The following CORO2B variants were observed in gnomAD, a reference collection of about 807,000 sequenced individuals.
CORO2B encodes the protein coronin 2B.
In CORO2B, 26 loss-of-function variants were observed where a neutral mutation model predicts 58.8. The ratio of observed to expected loss-of-function variants is 0.44; its 90% confidence interval spans 0.32 to 0.61. CORO2B has a LOEUF of 0.61. Ranked by LOEUF, CORO2B falls within the 20% of genes least tolerant of loss-of-function variation. The pLI is 0.04. For missense variants in CORO2B, 460 were observed against 645.1 expected, an observed-to-expected ratio of 0.71 and a Z score of 3.11; for synonymous variants, 242 against 253.8, an observed-to-expected ratio of 0.95 and a Z score of 0.44.
chr15:68,529,680 G>A, the CORO2B span, among the ~76,000 whole-genome samples: 2 of 151,956 alleles, frequency 1.3e-5, no homozygotes, highest in Non-Finnish European at 2.9e-5. Context: ...GTCAGCTTTT[G>A]GTTTTGTTGA....
chr15:68,613,721 C>T (rs900059146), intron 1 of CORO2B, among the ~76,000 whole-genome samples: 2 of 152,140 alleles, frequency 1.3e-5, no homozygotes, highest in African/African-American at 2.4e-5. Context: ...TTTTTCAGGG[C>T]CTTGAAATCA....
chr15:68,709,466 T>TG (rs1892861524), intron 3 of CORO2B, among the ~76,000 whole-genome samples: 1 of 148,924 alleles, frequency 6.7e-6, no homozygotes, highest in Admixed American at 6.7e-5. Context: ...CGTGTTTTTT[T>TG]TTTTTTTTTT....
chr15:68,727,391 CAA>C lies in CORO2B; in HGVS notation c.*1419_*1420del, dbSNP rs1271057246. On this transcript the variant is annotated 3_prime_UTR_variant, in exon 12 of 12. Coordinates refer to ENST00000261861, the MANE Select transcript of CORO2B (RefSeq NM_006091.5). ...TCCTCCTTTCATTTCCCACTACGCACAAAGAGTTTATAAACACTGTTCTCAGA... is the reference window on the plus strand; with the variant it reads ...TCCTCCTTTCATTTCCCACTACGCACAGAGTTTATAAACACTGTTCTCAGA... 6.6e-6 allele frequency: 1 copy of C among 152,318 alleles called. No homozygotes were observed. Among genetic ancestry groups the C allele is most frequent in the African/African-American group, 2.4e-5 (1 of 41,426 alleles). 9.4% of individuals were successfully genotyped at this position (152,318 alleles called of 1,614,324 possible).
chr15:68,661,137 C>T (rs1902001668), intron 2 of CORO2B, among the ~76,000 whole-genome samples: 1 of 152,026 alleles, frequency 6.6e-6, no homozygotes, highest in Admixed American at 6.6e-5. Context: ...GCCACCATGC[C>T]CAGCTAATTT....
chr15:68,611,245 G>T (rs752982762), intron 1 of CORO2B, among the ~76,000 whole-genome samples: 1 of 152,192 alleles, frequency 6.6e-6, no homozygotes, highest in Non-Finnish European at 1.5e-5. Context: ...AAAAATAACA[G>T]TGTCTATTTC....
chr15:68,534,032 A>T, the CORO2B span, among the ~76,000 whole-genome samples: 151 of 152,290 alleles, frequency 9.9e-4, no homozygotes, highest in African/African-American at 3.6e-3. Flanking sequence ...AAGATAGGAC[A>T]TGTGCCTCAT....
At chr15:68,655,270 A>T (rs1339964275) in intron 2 of CORO2B, among the ~76,000 whole-genome samples, 1 of 152,202 alleles carries the variant, frequency 6.6e-6, no homozygotes, top group Non-Finnish European at 1.5e-5. Flanking sequence ...TGGAATTGAG[A>T]CGGAGGCTCC....
intron 2 of CORO2B, among the ~76,000 whole-genome samples, chr15:68,666,228 G>A (rs768389421): frequency 2.0e-5 from 3 of 152,184 alleles, no homozygotes; most frequent in Non-Finnish European, 2.9e-5. Context: ...ATTCTGGGTA[G>A]CGGACATAAA....
At chr15:68,709,462 T>G (rs1395410904) in intron 3 of CORO2B, among the ~76,000 whole-genome samples, 6 of 6,090 alleles carry the variant, frequency 9.9e-4, no homozygotes, top group Non-Finnish European at 9.1e-3. Flanking sequence ...TTTTCGTGTT[T>G]TTTTTTTTTT....
intron 3 of CORO2B, among the ~76,000 whole-genome samples, chr15:68,704,934 A>G (rs1892746238): frequency 6.6e-6 from 1 of 152,166 alleles, no homozygotes; most frequent in African/African-American, 2.4e-5. Context: ...GCAACCTCTG[A>G]GCAGATCCAC....
chr15:68,556,194 G>A, the CORO2B span, among the ~76,000 whole-genome samples: 1 of 152,204 alleles, frequency 6.6e-6, no homozygotes, highest in Non-Finnish European at 1.5e-5. Context: ...GTAATCACAG[G>A]ATGACAGGGA....
At chr15:68,591,120 A>G (rs1341618419) in intron 1 of CORO2B, among the ~76,000 whole-genome samples, 1 of 151,976 alleles carries the variant, frequency 6.6e-6, no homozygotes, top group African/African-American at 2.4e-5. Context: ...GGCTGCAGGG[A>G]TGTTGGGGAA....
intron 1 of CORO2B, among the ~76,000 whole-genome samples, chr15:68,602,505 G>A (rs1353773596): frequency 6.6e-6 from 1 of 152,068 alleles, no homozygotes; most frequent in Non-Finnish European, 1.5e-5. Context: ...GTCACTAAGA[G>A]AGAGATGAGC....
At chr15:68,662,379 T>G (rs970410885) in intron 2 of CORO2B, among the ~76,000 whole-genome samples, 31 of 152,340 alleles carry the variant, frequency 2.0e-4, no homozygotes, top group Non-Finnish European at 3.8e-4. Context: ...AAGTGCAGGG[T>G]TTTCATGCCT....
chr15:68,707,035 A>G (rs1012067086), intron 3 of CORO2B, among the ~76,000 whole-genome samples: 1 of 152,096 alleles, frequency 6.6e-6, no homozygotes, highest in African/African-American at 2.4e-5. Context: ...ATCTCGGCTC[A>G]CTGCAAGCTC....
At chr15:68,554,914 G>A in the CORO2B span, among the ~76,000 whole-genome samples, 2 of 152,132 alleles carry the variant, frequency 1.3e-5, no homozygotes, top group Admixed American at 1.3e-4. Context: ...TTTGAAGTCA[G>A]GCCTGTCTGA....
chr15:68,718,199 G>T (rs181346220), intron 8 of CORO2B, among the ~76,000 whole-genome samples: 3 of 152,246 alleles, frequency 2.0e-5, no homozygotes, highest in African/African-American at 7.2e-5. Context: ...ACATAGAACA[G>T]AACAGCAATC....
the CORO2B span, among the ~76,000 whole-genome samples, chr15:68,525,548 A>G: frequency 4.6e-5 from 7 of 152,316 alleles, no homozygotes; most frequent in Admixed American, 1.3e-4. Context: ...CATTTGTTAA[A>G]AAGTAGAAAT....
intron 2 of CORO2B, among the ~76,000 whole-genome samples, chr15:68,647,857 T>TA (rs35636803): frequency 0.97 from 133,134 of 136,550 alleles, 64,952 homozygotes; most frequent in East Asian, 1. Context: ...TTCTACAAAT[T>TA]AAAAAAAAAA....
Sources: allele counts gnomAD v4.1 joint callset (sites outside exome capture counted in the v4.1 genomes callset), GRCh38; gene constraint gnomAD v4.1.1; transcripts MANE v1.5; gene names NCBI Gene and HGNC (gene_info 2026-07-23, HGNC 2026-07-21).